OR2L13: variants seen among roughly 807,000 people sequenced by gnomAD.
OR2L13 encodes olfactory receptor family 2 subfamily L member 13.
In OR2L13, 14 loss-of-function variants were observed where a neutral mutation model predicts 15.3. The ratio of observed to expected loss-of-function variants is 0.91; its 90% CI spans 0.60 to 1.43. OR2L13 has a LOEUF of 1.43. Ranked by LOEUF, OR2L13 falls within the 40% of genes most tolerant of loss-of-function variation. The pLI is 0.00. For missense variants in OR2L13, 367 were observed against 387.9 expected (o/e 0.95, Z 0.45); for synonymous variants, 152 against 142.9 (o/e 1.06, Z -0.45).
At chr1:248,100,560 CAT>C (rs781363589) in exon 3 of OR2L13, 98 of 208,648 alleles carry the variant, frequency 4.7e-4, no homozygotes, top group Non-Finnish European at 8.1e-4. Context: ...TATTATAGTA[CAT>C]GTTTGTACAT....
At chr1:248,062,957 GTGTC>G in the OR2L13 span, 1 of 152,132 alleles carries the variant, frequency 6.6e-6, no homozygotes, top group East Asian at 1.9e-4. Flanking sequence ...ACTGTTCTAT[GTGTC>G]TGTTTTTATG....
At chr1:247,957,040 C>T in the OR2L13 span, among the ~76,000 whole-genome samples, 1 of 152,176 alleles carries the variant, frequency 6.6e-6, no homozygotes, top group South Asian at 2.1e-4. Flanking sequence ...AAAGAGAATG[C>T]TTCCAGTTTT....
the OR2L13 span, chr1:248,039,007 T>A: frequency 1.2e-6 from 2 of 1,613,990 alleles, no homozygotes; most frequent in Non-Finnish European, 1.7e-6. Flanking sequence ...CTCACTGTAG[T>A]GTCCTTCTAC....
chr1:247,990,833 C>T, the OR2L13 span: 113 of 1,588,460 alleles, frequency 7.1e-5, no homozygotes, highest in South Asian at 1.1e-4. Context: ...CTAGCCTGCA[C>T]GGATACCTGG....
the OR2L13 span, among the ~76,000 whole-genome samples, chr1:247,953,174 C>T: frequency 2.0e-5 from 3 of 152,118 alleles, no homozygotes; most frequent in South Asian, 2.1e-4. Context: ...GAAAGTTGGA[C>T]GATAATTCCT....
chr1:247,938,283 G>T, the OR2L13 span, among the ~76,000 whole-genome samples: 1 of 152,030 alleles, frequency 6.6e-6, no homozygotes, highest in Admixed American at 6.5e-5. Flanking sequence ...GCTAAGAGAC[G>T]TTCAAAATTG....
the OR2L13 span, among the ~76,000 whole-genome samples, chr1:248,083,298 T>G: frequency 6.6e-6 from 1 of 152,184 alleles, no homozygotes; most frequent in East Asian, 1.9e-4. Flanking sequence ...GGAGTCACTT[T>G]TTAATATTTC....
the OR2L13 span, among the ~76,000 whole-genome samples, chr1:248,073,011 C>T: frequency 6.6e-6 from 1 of 151,744 alleles, no homozygotes; most frequent in Non-Finnish European, 1.5e-5. Flanking sequence ...AATAGGAACA[C>T]TTTTACACTG....
chr1:248,065,172 G>A, the OR2L13 span, among the ~76,000 whole-genome samples: 27 of 152,200 alleles, frequency 1.8e-4, no homozygotes, highest in African/African-American at 5.8e-4. Flanking sequence ...ATTGTGCCTC[G>A]TTTTAGCCAT....
chr1:247,966,980 T>C, the OR2L13 span, among the ~76,000 whole-genome samples: 1 of 151,658 alleles, frequency 6.6e-6, no homozygotes, highest in African/African-American at 2.4e-5. Flanking sequence ...GACAGGAGTA[T>C]CTATTGATGT....
the OR2L13 span, among the ~76,000 whole-genome samples, chr1:248,034,318 A>G: frequency 6.6e-6 from 1 of 152,246 alleles, no homozygotes; most frequent in African/African-American, 2.4e-5. Flanking sequence ...ATATGGAACC[A>G]AAAAGAGTCT....
the OR2L13 span, among the ~76,000 whole-genome samples, chr1:248,052,943 A>T: frequency 6.6e-6 from 1 of 151,240 alleles, no homozygotes; most frequent in Non-Finnish European, 1.5e-5. Context: ...TATTTTTAAT[A>T]ATTATTTTAT....
chr1:248,095,731 C>T (rs575241978), upstream of OR2L13, among the ~76,000 whole-genome samples: 4 of 149,598 alleles, frequency 2.7e-5, no homozygotes, highest in East Asian at 2.0e-4. Context: ...CTCAGCCTCC[C>T]GAGTGGATGG....
At chr1:248,028,140 C>CAAAAAAAAAA in the OR2L13 span, among the ~76,000 whole-genome samples, 64 of 37,782 alleles carry the variant, frequency 1.7e-3, 1 homozygote, top group Non-Finnish European at 2.5e-3. Context: ...GATTCCGTCT[C>CAAAAAAAAAA]AAAAAAAAAA....
At chr1:248,060,313 C>G in the OR2L13 span, among the ~76,000 whole-genome samples, 107,454 of 151,922 alleles carry the variant, frequency 0.71, 42,278 homozygotes, top group South Asian at 0.9. Context: ...ATGTAAAACT[C>G]TAGGTAAAAA....
the OR2L13 span, among the ~76,000 whole-genome samples, chr1:248,074,568 C>T: frequency 3.9e-5 from 6 of 152,146 alleles, no homozygotes; most frequent in Admixed American, 3.9e-4. Flanking sequence ...AAGCTGAGAG[C>T]AGGAACAGAA....
chr1:248,036,304 G>A, the OR2L13 span, among the ~76,000 whole-genome samples: 3 of 151,278 alleles, frequency 2.0e-5, no homozygotes, highest in Admixed American at 6.6e-5. Context: ...CATTTAATGC[G>A]GTATCAATTA....
At chr1:247,946,058 A>G in the OR2L13 span, among the ~76,000 whole-genome samples, 1 of 152,136 alleles carries the variant, frequency 6.6e-6, no homozygotes, top group Non-Finnish European at 1.5e-5. Flanking sequence ...TTCAGTGTGT[A>G]AAGTTTTCAC....
chr1:248,045,724 A>G, the OR2L13 span: 27 of 152,224 alleles, frequency 1.8e-4, no homozygotes, highest in African/African-American at 6.0e-4. Flanking sequence ...CCTTGCCAAG[A>G]CTGTACACTA....
Sources: allele counts gnomAD v4.1 joint callset (sites outside exome capture counted in the v4.1 genomes callset), GRCh38; gene constraint gnomAD v4.1.1; transcripts MANE v1.5; gene names NCBI Gene and HGNC (gene_info 2026-07-23, HGNC 2026-07-21).